Variants in DUSP22 observed in about 807,000 individuals in gnomAD.
DUSP22 encodes dual specificity phosphatase 22, also known as dual specificity protein phosphatase 22.
DUSP22 carries 24 observed loss-of-function variants against 24.5 expected under a neutral mutation model. That is an observed-to-expected ratio of 0.98 (90% CI 0.71 to 1.38). The LOEUF (loss-of-function observed/expected upper bound fraction) is 1.38, where lower values mean the gene tolerates loss of function less well. DUSP22 is among the 40% of genes most tolerant of loss of function. The probability of loss-of-function intolerance (pLI) is 0.00; values close to 1 mark genes in which losing one functional copy is unlikely to be tolerated. For synonymous variants in DUSP22, 160 were observed against 106.4 expected (o/e 1.50, Z -3.10); for missense variants, 330 against 269.2 (o/e 1.23, Z -1.58).
At chr6:332,001 C>T (rs892612045) in intron 3 of DUSP22, among the ~76,000 whole-genome samples, 21 of 152,300 alleles carry the variant, frequency 1.4e-4, no homozygotes, top group African/African-American at 1.7e-4. Flanking sequence ...GCCCAGCTCT[C>T]GTTTCGTGGT....
At chr6:321,026 A>C (rs1488503113) in intron 3 of DUSP22, among the ~76,000 whole-genome samples, 3 of 152,298 alleles carry the variant, frequency 2.0e-5, no homozygotes, top group African/African-American at 7.2e-5. Context: ...CTGGGCACCC[A>C]GGGGAGGCGG....
intron 1 of DUSP22, among the ~76,000 whole-genome samples, chr6:295,711 A>G (rs1316379724): frequency 6.6e-6 from 1 of 151,972 alleles, no homozygotes; most frequent in Non-Finnish European, 1.5e-5. Flanking sequence ...GAGGTGGGAG[A>G]ATCACCTCAG....
At chr6:332,489 G>T (rs1039101098) in intron 3 of DUSP22, among the ~76,000 whole-genome samples, 5 of 152,304 alleles carry the variant, frequency 3.3e-5, no homozygotes, top group East Asian at 1.9e-4. Context: ...ACCAGCCTGA[G>T]TTGGTCCTTT....
At chr6:315,188 G>T (rs1758287621) in intron 3 of DUSP22, among the ~76,000 whole-genome samples, 1 of 152,306 alleles carries the variant, frequency 6.6e-6, no homozygotes, top group Non-Finnish European at 1.5e-5. Context: ...CCAGAATGAA[G>T]ATCTTAGAAA....
At chr6:320,320 A>G (rs1758529994) in intron 3 of DUSP22, 1 of 152,916 alleles carries the variant, frequency 6.5e-6, no homozygotes, top group Admixed American at 6.5e-5. Flanking sequence ...CCGGTGTCTG[A>G]GCATTTCCTC....
intron 2 of DUSP22, among the ~76,000 whole-genome samples, chr6:308,181 G>C (rs1265293469): frequency 3.3e-5 from 5 of 151,424 alleles, no homozygotes; most frequent in Non-Finnish European, 7.3e-5. Flanking sequence ...CTGCCGGTTG[G>C]AGGACCCCAT....
chr6:313,015 T>C (rs1230063483), intron 3 of DUSP22, among the ~76,000 whole-genome samples: 3 of 150,834 alleles, frequency 2.0e-5, no homozygotes, highest in Non-Finnish European at 2.9e-5. Context: ...TCCAGCATGA[T>C]TTTATTGGAA....
chr6:331,616 C>T (rs1428752118), intron 3 of DUSP22, among the ~76,000 whole-genome samples: 3 of 152,304 alleles, frequency 2.0e-5, no homozygotes, highest in African/African-American at 7.2e-5. Context: ...TACTAGGATA[C>T]TTTTAAGTGG....
intron 2 of DUSP22, among the ~76,000 whole-genome samples, chr6:310,594 A>G (rs939002119): frequency 2.0e-5 from 3 of 152,306 alleles, no homozygotes; most frequent in Non-Finnish European, 2.9e-5. Context: ...TGTAAACCAC[A>G]GTCCTGTCTG....
chr6:319,319 G>T (rs936940495), intron 3 of DUSP22, among the ~76,000 whole-genome samples: 3 of 152,306 alleles, frequency 2.0e-5, no homozygotes, highest in Non-Finnish European at 4.4e-5. Context: ...TCTGTGTTTG[G>T]CTGCGCTGTG....
At chr6:308,555 T>C (rs112079201) in intron 2 of DUSP22, among the ~76,000 whole-genome samples, 254 of 152,316 alleles carry the variant, frequency 1.7e-3, no homozygotes, top group African/African-American at 5.6e-3. Flanking sequence ...TCCCTGTGCT[T>C]TGGAGTCCAG....
At chr6:315,329 G>T (rs1322852280) in intron 3 of DUSP22, among the ~76,000 whole-genome samples, 2 of 152,298 alleles carry the variant, frequency 1.3e-5, no homozygotes, top group African/African-American at 4.8e-5. Context: ...GCTAAACAGG[G>T]TCTAGAGATC....
intron 4 of DUSP22, chr6:338,074 A>G (rs1581185242): frequency 6.6e-6 from 1 of 152,530 alleles, no homozygotes; most frequent in Non-Finnish European, 1.5e-5. Flanking sequence ...ACCGTAGCTC[A>G]TGAAAAGGTG....
chr6:330,823 C>G (rs1264612098), intron 3 of DUSP22, among the ~76,000 whole-genome samples: 3 of 152,306 alleles, frequency 2.0e-5, no homozygotes, highest in South Asian at 2.1e-4. Context: ...TAGCAGATCC[C>G]CCATCTCTCC....
chr6:306,177 T>G (rs973294736), intron 2 of DUSP22, among the ~76,000 whole-genome samples: 1 of 152,306 alleles, frequency 6.6e-6, no homozygotes, highest in African/African-American at 2.4e-5. Flanking sequence ...AGTGAGTTAT[T>G]AACTGTTTTC....
rs572771834 is a variant in DUSP22, at chr6:349,459, C to T, written c.*508C>T. On this transcript the variant is annotated 3_prime_UTR_variant, in exon 7 of 7. Coordinates refer to ENST00000419235, the MANE Select transcript of DUSP22 (RefSeq NM_001286555.3). ...ATGGAAGGCATTTGAGCTCGACCTC[C>T]GAAAAGCTACCCAGCAAAGAGCAGT... The T allele has an allele frequency of 3.0e-4, 306 of 1,006,408 alleles. No individual in the cohort carries two copies. The highest frequency in any genetic ancestry group is 1.8e-3 in the African/African-American group (104 of 57,844). The allele number at this position is 1,006,408 out of a possible 1,614,324, so 62.3% of individuals were successfully genotyped here.
At chr6:330,586 T>C (rs1336908858) in intron 3 of DUSP22, among the ~76,000 whole-genome samples, 1 of 152,306 alleles carries the variant, frequency 6.6e-6, no homozygotes, top group Non-Finnish European at 1.5e-5. Flanking sequence ...GTGTAATCTT[T>C]AGTTTCAGGC....
intron 3 of DUSP22, among the ~76,000 whole-genome samples, chr6:324,147 C>T (rs1758738438): frequency 6.6e-6 from 1 of 152,310 alleles, no homozygotes; most frequent in African/African-American, 2.4e-5. Context: ...AGTGGGCTTG[C>T]AGCCGCATGG....
At chr6:347,564 C>T (rs1302669001) in intron 5 of DUSP22, among the ~76,000 whole-genome samples, 1 of 152,306 alleles carries the variant, frequency 6.6e-6, no homozygotes, top group Non-Finnish European at 1.5e-5. Flanking sequence ...CACAGTGTGC[C>T]TGCTCTGTAC....
Sources: allele counts gnomAD v4.1 joint callset (sites outside exome capture counted in the v4.1 genomes callset), GRCh38; gene constraint gnomAD v4.1.1; transcripts MANE v1.5; gene names NCBI Gene and HGNC (gene_info 2026-07-23, HGNC 2026-07-21).